NEDD9: variants seen among roughly 807,000 people sequenced by gnomAD.
NEDD9 encodes neural precursor cell expressed, developmentally down-regulated 9.
In NEDD9, 26 loss-of-function variants were observed where a neutral mutation model predicts 76.6. The ratio of observed to expected loss-of-function variants is 0.34; its 90% CI spans 0.25 to 0.47. The LOEUF (loss-of-function observed/expected upper bound fraction) is 0.47, where lower values mean the gene tolerates loss of function less well. NEDD9 is among the 20% of genes least tolerant of loss of function. The probability of loss-of-function intolerance (pLI) is 1.00; values close to 1 mark genes in which losing one functional copy is unlikely to be tolerated. For synonymous variants in NEDD9, 392 were observed against 414.2 expected (o/e 0.95, Z 0.65); for missense variants, 937 against 1,058.5 (o/e 0.89, Z 1.59).
At chr6:11,232,780 A>G, upstream of NEDD9, 1 of 1,187,706 alleles carries the variant, frequency 8.4e-7, no homozygotes. Flanking sequence ...CCTAATTCTG[A>G]AAAACTGACA....
chr6:11,185,074 A>C lies in NEDD9; in HGVS notation c.*88T>G. On this transcript the variant is annotated 3_prime_UTR_variant, in exon 7 of 7. Coordinates refer to ENST00000379446, the MANE Select transcript of NEDD9 (RefSeq NM_006403.4). ...TTCATTTTTATATAAAATATCTACAAAAATAGATAACATTTACAAAAACCA... is the reference window on the plus strand; with the variant it reads ...TTCATTTTTATATAAAATATCTACACAAATAGATAACATTTACAAAAACCA... The C allele has an allele frequency of 7.1e-7, 1 of 1,401,032 alleles. No homozygotes were observed. The highest frequency in any genetic ancestry group is 9.6e-7 in the Non-Finnish European group (1 of 1,041,838). The allele number at this position is 1,401,032 out of a possible 1,614,324, so 86.8% of individuals were successfully genotyped here.
At chr6:11,363,212 A>G (rs947845803) in intron 1 of NEDD9, among the ~76,000 whole-genome samples, 3 of 152,214 alleles carry the variant, frequency 2.0e-5, no homozygotes, top group African/African-American at 7.2e-5. Flanking sequence ...CACTGACATA[A>G]CCAAAGACCA....
intron 3 of NEDD9, among the ~76,000 whole-genome samples, chr6:11,286,263 G>C (rs1430467812): frequency 6.6e-6 from 1 of 152,148 alleles, no homozygotes; most frequent in East Asian, 1.9e-4. Context: ...TTAGTCATTA[G>C]AGAAATGCAA....
intron 3 of NEDD9, among the ~76,000 whole-genome samples, chr6:11,286,854 G>A (rs1262161639): frequency 1.3e-5 from 2 of 152,150 alleles, no homozygotes; most frequent in Non-Finnish European, 2.9e-5. Context: ...TTACAAAGGG[G>A]CATGAGAAAA....
intron 1 of NEDD9, among the ~76,000 whole-genome samples, chr6:11,225,800 CTTTTTT>C (rs5874311): frequency 7.4e-6 from 1 of 135,180 alleles, no homozygotes; most frequent in Non-Finnish European, 1.6e-5. Context: ...CGCGCCCGGC[CTTTTTT>C]TTTTTTTTTT....
chr6:11,230,527 C>T lies in NEDD9; in HGVS notation c.12+1977G>A, dbSNP rs575736287. Among the ~76,000 whole-genome samples the T allele has an allele frequency of 3.3e-5, 5 of 152,296 alleles. 1 individual carries two copies. In the South Asian group the frequency reaches 8.3e-4, roughly 25 times the overall value. ...ATGTTACTTCATTACTTTTGTGTCT[C>T]TCCTCTACTTACAATAACAAAATCC... is the stretch of plus-strand genomic sequence containing the variant. On this transcript the variant is annotated intron_variant, in intron 1 of 6. Transcript: ENST00000379446.
At chr6:11,313,094 A>G (rs1276934027) in intron 2 of NEDD9, among the ~76,000 whole-genome samples, 1 of 152,050 alleles carries the variant, frequency 6.6e-6, no homozygotes, top group Non-Finnish European at 1.5e-5. Flanking sequence ...TAGTGGGTAG[A>G]TAGATGGATG....
chr6:11,186,480 CTT>C (rs1199314487), intron 6 of NEDD9, among the ~76,000 whole-genome samples: 1 of 152,162 alleles, frequency 6.6e-6, no homozygotes, highest in East Asian at 1.9e-4. Context: ...AGAGACCTCT[CTT>C]CTGCAGATAA....
intron 1 of NEDD9, among the ~76,000 whole-genome samples, chr6:11,351,022 CA>C (rs1762458859): frequency 6.6e-6 from 1 of 152,172 alleles, no homozygotes; most frequent in African/African-American, 2.4e-5. Context: ...TCAAGCGAAT[CA>C]GCATTTCTAT....
At chr6:11,299,545 G>A (rs1760987337) in intron 3 of NEDD9, among the ~76,000 whole-genome samples, 1 of 152,206 alleles carries the variant, frequency 6.6e-6, no homozygotes, top group Non-Finnish European at 1.5e-5. Flanking sequence ...CGGACAGACT[G>A]CCTCCTCAAG....
chr6:11,356,734 C>A (rs900206935), intron 1 of NEDD9, among the ~76,000 whole-genome samples: 1 of 149,822 alleles, frequency 6.7e-6, no homozygotes, highest in African/African-American at 2.5e-5. Context: ...CCCACCCCCC[C>A]CACCCTTTCC....
chr6:11,319,379 A>G (rs1179119413), intron 2 of NEDD9, among the ~76,000 whole-genome samples: 1 of 150,228 alleles, frequency 6.7e-6, no homozygotes, highest in Non-Finnish European at 1.5e-5. Flanking sequence ...ACATACACAC[A>G]AGTCTCACAC....
rs1758850581 is a variant in NEDD9 at position 11,213,537 on chromosome 6, T to C, written c.203A>G (p.Gln68Arg). The change falls in exon 2 of 7, where the codon CAG becomes CGG. Residue 68 changes from glutamine to arginine, a missense_variant. Gln to Arg is a conservative substitution (Grantham distance 43). Transcript: ENST00000379446. The surrounding 1 kb of genome is among the most constrained non-coding windows in gnomAD (Gnocchi z 5.4). Reference protein sequence around the residue: ...NRVKLLIGPMQETASSHEQPA... With the variant: ...NRVKLLIGPMRETASSHEQPA... Reference sequence around the variant, plus strand: ...CTGCTCGTGACTGGAGGCAGTCTCCTGCATGGGACCAATCAGAAGCTTCAC... The same window carrying C: ...CTGCTCGTGACTGGAGGCAGTCTCCCGCATGGGACCAATCAGAAGCTTCAC... The C allele has an allele frequency of 6.2e-7, 1 of 1,614,084 alleles. No individual in the cohort carries two copies. Among genetic ancestry groups the C allele is most frequent in the African/African-American group, 1.3e-5 (1 of 74,928 alleles).
chr6:11,311,379 TC>T (rs1761361363), intron 2 of NEDD9, among the ~76,000 whole-genome samples: 1 of 152,142 alleles, frequency 6.6e-6, no homozygotes, highest in Non-Finnish European at 1.5e-5. Context: ...GCAGATTCTT[TC>T]CTTACAGCCC....
At chr6:11,232,250 C>T (rs1440824173) in intron 1 of NEDD9, among the ~76,000 whole-genome samples, 2 of 152,190 alleles carry the variant, frequency 1.3e-5, no homozygotes, top group Non-Finnish European at 2.9e-5. Flanking sequence ...CAAGTCTTAA[C>T]TTCTCACCGA....
intron 2 of NEDD9, chr6:11,200,896 A>G: frequency 1.2e-6 from 2 of 1,609,406 alleles, no homozygotes; most frequent in Non-Finnish European, 1.7e-6. Flanking sequence ...AGATGAAGAT[A>G]TTTATCCAAG....
chr6:11,206,390 G>C (rs1488514692), intron 2 of NEDD9, among the ~76,000 whole-genome samples: 2 of 152,278 alleles, frequency 1.3e-5, no homozygotes, highest in African/African-American at 4.8e-5. Context: ...TTGCATTCCA[G>C]CCTGGACAAC....
intron 1 of NEDD9, among the ~76,000 whole-genome samples, chr6:11,355,166 A>G (rs1007914476): frequency 6.6e-6 from 1 of 152,212 alleles, no homozygotes; most frequent in African/African-American, 2.4e-5. Context: ...CTGAAGTCAG[A>G]TAGAGGAGAC....
Position 11,184,046 on chromosome 6 carries a change from ACT to A in NEDD9, c.*1114_*1115del, listed in dbSNP as rs1228627606. 6.6e-6 allele frequency: 1 copy of A among 152,102 alleles called. No homozygotes were observed. The highest frequency in any genetic ancestry group is 2.4e-5 in the African/African-American group (1 of 41,382). The allele number at this position is 152,102 out of a possible 1,614,324, so 9.4% of individuals were successfully genotyped here. On this transcript the variant is annotated 3_prime_UTR_variant, in exon 7 of 7. Coordinates refer to ENST00000379446, the MANE Select transcript of NEDD9 (RefSeq NM_006403.4). ...ACAGGAAGTTGCAAAAATTAGATGG[ACT>A]CTGTGTAGCTAGCCACTCTTGAGTG...
Sources: gnomAD v4.1 joint callset for allele counts (sites outside exome capture counted in the v4.1 genomes callset) on GRCh38, gnomAD v4.1.1 for gene constraint, Gnocchi (gnomAD v3.1) non-coding constraint, MANE v1.5 for transcripts, NCBI Gene and HGNC (gene_info 2026-07-23, HGNC 2026-07-21) for gene names.